The following TSGA10 variants were observed in gnomAD, a reference collection of about 807,000 sequenced individuals.
The protein encoded by TSGA10 is testis-specific gene 10 protein.
TSGA10 carries 43 observed loss-of-function variants against 96.6 expected under a neutral mutation model. The ratio of observed to expected loss-of-function variants is 0.44; its 90% CI spans 0.35 to 0.57. The LOEUF is 0.57. TSGA10 is among the 20% of genes least tolerant of loss of function. TSGA10 has a pLI of 0.01. For synonymous variants in TSGA10, 229 were observed against 269.9 expected (o/e 0.85, Z 1.48); for missense variants, 703 against 834.4 (o/e 0.84, Z 1.94).
intron 10 of TSGA10, among the ~76,000 whole-genome samples, chr2:99,100,241 T>G (rs1312187209): frequency 1.3e-5 from 2 of 152,244 alleles, no homozygotes; most frequent in African/African-American, 2.4e-5. Context: ...AAGACTTTCT[T>G]GATGAATAAC....
intron 7 of TSGA10, among the ~76,000 whole-genome samples, chr2:99,107,343 A>T (rs2091441815): frequency 6.6e-6 from 1 of 152,188 alleles, no homozygotes. Flanking sequence ...CTCAAAGGAG[A>T]AATTGTTAAA....
At chr2:99,077,989 G>A (rs72957180) in intron 12 of TSGA10, among the ~76,000 whole-genome samples, 53,169 of 151,492 alleles carry the variant, frequency 0.35, 10,657 homozygotes, top group African/African-American at 0.55. Flanking sequence ...TGTGCTCCTA[G>A]GGCAGGGTGC....
At chr2:99,129,597 G>C (rs961975783) in intron 1 of TSGA10, among the ~76,000 whole-genome samples, 2 of 152,112 alleles carry the variant, frequency 1.3e-5, no homozygotes, top group Non-Finnish European at 2.9e-5. Flanking sequence ...AGACACATCA[G>C]TGTATCTGAA....
At position 98,997,678 on chromosome 2, in the gene TSGA10, C is replaced by G. The variant is rs919278677; in HGVS notation, c.*519G>C. The G allele has an allele frequency of 6.6e-6, 1 of 152,348 alleles. No individual in the cohort carries two copies. The highest frequency in any genetic ancestry group is 1.5e-5 in the Non-Finnish European group (1 of 68,188). The allele number at this position is 152,348 out of a possible 1,614,324, so 9.4% of individuals were successfully genotyped here. A position where few individuals can be genotyped will look rare whatever the true frequency, so the allele number is the denominator to read the frequency against. On this transcript the variant is annotated 3_prime_UTR_variant, in exon 21 of 21. Transcript: ENST00000393483. ...AAAACCCTGACAACACTCCTACTTTCTGCTGCTTCAATATCAGATTATGGC... is the reference window on the plus strand; with the variant it reads ...AAAACCCTGACAACACTCCTACTTTGTGCTGCTTCAATATCAGATTATGGC...
At chr2:99,066,612 T>C (rs2085296315) in intron 15 of TSGA10, among the ~76,000 whole-genome samples, 1 of 152,134 alleles carries the variant, frequency 6.6e-6, no homozygotes, top group Non-Finnish European at 1.5e-5. Flanking sequence ...AGGGATTCCG[T>C]AGAATGTCTC....
chr2:99,139,726 A>T (rs1040200825), intron 1 of TSGA10, among the ~76,000 whole-genome samples: 1 of 152,242 alleles, frequency 6.6e-6, no homozygotes, highest in African/African-American at 2.4e-5. Flanking sequence ...AAAAATGTTG[A>T]GTAAAGAAGC....
At chr2:99,108,423 T>C (rs895248946) in intron 7 of TSGA10, among the ~76,000 whole-genome samples, 8 of 152,142 alleles carry the variant, frequency 5.3e-5, no homozygotes, top group Non-Finnish European at 1.2e-4. Context: ...AGAGATAAAC[T>C]ACATACTTCT....
intron 10 of TSGA10, among the ~76,000 whole-genome samples, chr2:99,100,653 T>C (rs1294453944): frequency 6.6e-6 from 1 of 151,480 alleles, no homozygotes; most frequent in Non-Finnish European, 1.5e-5. Flanking sequence ...ACCCCGTCTC[T>C]ACTAAAAATA....
chr2:98,999,378 A>G (rs2077700158), intron 20 of TSGA10, among the ~76,000 whole-genome samples: 1 of 152,218 alleles, frequency 6.6e-6, no homozygotes, highest in South Asian at 2.1e-4. Flanking sequence ...CATTTACATG[A>G]CAACCTGGGA....
chr2:99,030,620 C>G (rs1231558042), intron 17 of TSGA10, among the ~76,000 whole-genome samples: 1 of 152,168 alleles, frequency 6.6e-6, no homozygotes, highest in South Asian at 2.1e-4. Flanking sequence ...GCACTCCAGC[C>G]TGGGTGACAG....
intron 10 of TSGA10, among the ~76,000 whole-genome samples, chr2:99,103,446 G>A (rs2091000349): frequency 6.6e-6 from 1 of 152,164 alleles, no homozygotes; most frequent in Admixed American, 6.5e-5. Context: ...TGCTTCAATT[G>A]ATACATCTTC....
chr2:99,071,276 A>T (rs1043558933), intron 14 of TSGA10, among the ~76,000 whole-genome samples: 1 of 152,166 alleles, frequency 6.6e-6, no homozygotes, highest in Non-Finnish European at 1.5e-5. Flanking sequence ...AAGAGTAATT[A>T]TAAGAGGAAC....
intron 20 of TSGA10, among the ~76,000 whole-genome samples, chr2:99,000,982 G>A (rs968139460): frequency 5.3e-5 from 8 of 152,192 alleles, no homozygotes; most frequent in Admixed American, 2.0e-4. Context: ...AGCTCGAACC[G>A]GGTGGAGCCC....
At chr2:99,118,729 T>C (rs1318864065) in intron 2 of TSGA10, 43 bp from the exon 3 acceptor site, 20 of 941,178 alleles carry the variant, frequency 2.1e-5, no homozygotes, top group Non-Finnish European at 2.4e-5. Context: ...ACAATGATTA[T>C]GTCAGGAACT....
intron 20 of TSGA10, among the ~76,000 whole-genome samples, chr2:99,001,238 C>T (rs2077878857): frequency 6.6e-6 from 1 of 152,090 alleles, no homozygotes; most frequent in Non-Finnish European, 1.5e-5. Context: ...AAACTGACAC[C>T]TCATACAGCC....
intron 10 of TSGA10, among the ~76,000 whole-genome samples, chr2:99,095,561 G>A (rs1258642288): frequency 1.3e-5 from 2 of 152,100 alleles, no homozygotes; most frequent in Non-Finnish European, 1.5e-5. Flanking sequence ...ATATACTTTA[G>A]TGAGATTTAA....
chr2:99,008,632 T>C (rs546954455), intron 20 of TSGA10, among the ~76,000 whole-genome samples: 1 of 152,228 alleles, frequency 6.6e-6, no homozygotes, highest in Non-Finnish European at 1.5e-5. Flanking sequence ...CTAACAAAAC[T>C]ACATGTGTAT....
rs999100256 is a variant in TSGA10, at chr2:99,117,673, T to C, written c.-269A>G. On this transcript the variant is annotated 5_prime_UTR_variant, in exon 4 of 21. Coordinates refer to ENST00000393483, the MANE Select transcript of TSGA10 (RefSeq NM_025244.4). ...GCTCATTGTGGCTGGTTAAATCATC[T>C]ACTTGACTGCTTACCACCTCCTTAC... 8.1e-6 allele frequency: 8 copies of C among 985,674 alleles called. No individual in the cohort carries two copies. The African/African-American group carries it at 1.4e-4, about 17-fold the overall frequency. 61.1% of individuals were successfully genotyped at this position (985,674 alleles called of 1,614,324 possible).
chr2:99,078,271 G>GAAAA (rs200891345), intron 12 of TSGA10, among the ~76,000 whole-genome samples: 14 of 81,462 alleles, frequency 1.7e-4, no homozygotes, highest in Non-Finnish European at 1.8e-4. Context: ...ACTCCCGTTT[G>GAAAA]AAAAAAAAAA....
Sources: allele counts gnomAD v4.1 joint callset (sites outside exome capture counted in the v4.1 genomes callset), GRCh38; gene constraint gnomAD v4.1.1; transcripts MANE v1.5; gene names NCBI Gene and HGNC (gene_info 2026-07-23, HGNC 2026-07-21).